GRIP1: variants seen among roughly 807,000 people sequenced by gnomAD.
GRIP1 encodes the protein glutamate receptor interacting protein 1.
Under a neutral mutation model 129.9 loss-of-function variants are expected in GRIP1, and 45 were observed. The observed-to-expected ratio is 0.35, with a 90% confidence interval of 0.27 to 0.44. GRIP1 has a LOEUF of 0.44. Ranked by LOEUF, GRIP1 falls within the 20% of genes least tolerant of loss-of-function variation. The pLI, the probability that GRIP1 is intolerant of heterozygous loss-of-function variation, is 1.00. For missense variants in GRIP1, 1,196 were observed against 1,396.8 expected (o/e 0.86, Z 2.29); for synonymous variants, 530 against 520.8 (o/e 1.02, Z -0.24).
chr12:66,893,458 G>C (rs2040695570), intron 1 of GRIP1, among the ~76,000 whole-genome samples: 1 of 152,160 alleles, frequency 6.6e-6, no homozygotes, highest in South Asian at 2.1e-4. Context: ...AGCTAATCTA[G>C]AACTCCTATG....
intron 1 of GRIP1, among the ~76,000 whole-genome samples, chr12:66,824,585 C>T (rs2039376269): frequency 6.6e-6 from 1 of 152,130 alleles, no homozygotes; most frequent in African/African-American, 2.4e-5. Flanking sequence ...GTCCATTTCT[C>T]CTTCAATGTG....
chr12:66,546,530 T>G (rs986739271), intron 2 of GRIP1, among the ~76,000 whole-genome samples: 1 of 151,946 alleles, frequency 6.6e-6, no homozygotes, highest in Admixed American at 6.6e-5. Flanking sequence ...GATGGAGGGA[T>G]AGACATATAG....
At chr12:66,405,106 C>T (rs932852846) in intron 16 of GRIP1, among the ~76,000 whole-genome samples, 2 of 152,110 alleles carry the variant, frequency 1.3e-5, no homozygotes, top group African/African-American at 4.8e-5. Flanking sequence ...TGGGGAAAAC[C>T]AAAATCTAGG....
chr12:66,584,539 T>A (rs924611333), intron 2 of GRIP1, among the ~76,000 whole-genome samples: 1 of 151,988 alleles, frequency 6.6e-6, no homozygotes, highest in Non-Finnish European at 1.5e-5. Flanking sequence ...CGCCATTGCA[T>A]GCCAGCTGGG....
At chr12:66,722,258 T>C (rs1216881480) in intron 1 of GRIP1, among the ~76,000 whole-genome samples, 1 of 152,176 alleles carries the variant, frequency 6.6e-6, no homozygotes, top group Non-Finnish European at 1.5e-5. Flanking sequence ...GAGAGACATG[T>C]AAACCCTGCA....
At chr12:66,715,415 T>G (rs1180347141) in intron 1 of GRIP1, among the ~76,000 whole-genome samples, 1 of 149,654 alleles carries the variant, frequency 6.7e-6, no homozygotes, top group African/African-American at 2.5e-5. Context: ...GATCTGAACT[T>G]AAGGATAATT....
chr12:67,059,263 C>T (rs542048369), intron 1 of GRIP1, among the ~76,000 whole-genome samples: 6 of 152,172 alleles, frequency 3.9e-5, no homozygotes, highest in African/African-American at 1.2e-4. Flanking sequence ...GAAAAGGCCT[C>T]GGTAGAAGGT....
rs886755626 is a variant in GRIP1, at chr12:66,617,307, A to T, written c.56-20380T>A. ...ACAAGAAAAAAAAAAAAAAAAAAAAAGATGCTTGCAAGTTACTGCAATGGT... is the reference window on the plus strand; with the variant it reads ...ACAAGAAAAAAAAAAAAAAAAAAAATGATGCTTGCAAGTTACTGCAATGGT... On this transcript the variant is annotated intron_variant, in intron 1 of 24. Transcript: ENST00000359742. Among the ~76,000 whole-genome samples the T allele has an allele frequency of 1.4e-4, 20 of 146,710 alleles. No individual in the cohort carries two copies. The Admixed American group carries it at 1.4e-3, about 10-fold the overall frequency.
At chr12:66,843,882 C>T (rs1310202253) in intron 1 of GRIP1, among the ~76,000 whole-genome samples, 2 of 152,032 alleles carry the variant, frequency 1.3e-5, no homozygotes, top group East Asian at 1.9e-4. Flanking sequence ...AGTTTTATGA[C>T]ATTAAATTTG....
At chr12:67,045,457 T>A (rs981999980) in intron 1 of GRIP1, among the ~76,000 whole-genome samples, 3 of 152,142 alleles carry the variant, frequency 2.0e-5, no homozygotes, top group Non-Finnish European at 4.4e-5. Context: ...TCCAACCCAA[T>A]AGCATGTCTG....
intron 1 of GRIP1, among the ~76,000 whole-genome samples, chr12:66,742,203 T>C (rs1403176071): frequency 1.3e-5 from 2 of 152,160 alleles, no homozygotes; most frequent in Non-Finnish European, 2.9e-5. Context: ...GGTGTTTCTT[T>C]CTGACATTAA....
chr12:66,522,096 G>C (rs1033511804), intron 5 of GRIP1, among the ~76,000 whole-genome samples: 12 of 152,228 alleles, frequency 7.9e-5, no homozygotes, highest in Admixed American at 2.6e-4. Context: ...CAAACAAAAA[G>C]ACAGCAGTAA....
At chr12:66,782,799 T>G (rs924456185) in intron 1 of GRIP1, among the ~76,000 whole-genome samples, 4 of 152,108 alleles carry the variant, frequency 2.6e-5, no homozygotes, top group African/African-American at 9.7e-5. Flanking sequence ...TTCCTATTGC[T>G]CTCCTCTCCA....
chr12:67,000,990 G>A (rs1346593299), intron 1 of GRIP1, among the ~76,000 whole-genome samples: 1 of 152,154 alleles, frequency 6.6e-6, no homozygotes, highest in East Asian at 1.9e-4. Context: ...ATTTAACTGA[G>A]TATCCTGTAT....
intron 24 of GRIP1, among the ~76,000 whole-genome samples, chr12:66,349,973 C>A (rs1473345851): frequency 3.9e-5 from 6 of 151,974 alleles, no homozygotes; most frequent in Non-Finnish European, 1.5e-5. Flanking sequence ...TCAGTTTTTT[C>A]AGGTCCTCCC....
intron 1 of GRIP1, among the ~76,000 whole-genome samples, chr12:66,783,234 A>T (rs1271942201): frequency 1.3e-5 from 2 of 152,140 alleles, no homozygotes; most frequent in African/African-American, 4.8e-5. Context: ...GTGTTTTGCC[A>T]TGTTGGCCAG....
chr12:67,020,253 G>T (rs1202452379), intron 1 of GRIP1, among the ~76,000 whole-genome samples: 1 of 152,126 alleles, frequency 6.6e-6, no homozygotes, highest in Non-Finnish European at 1.5e-5. Flanking sequence ...TTCACAGTCT[G>T]TGTCATGAAA....
At chr12:66,855,456 G>A (rs563001424) in intron 1 of GRIP1, among the ~76,000 whole-genome samples, 1 of 152,102 alleles carries the variant, frequency 6.6e-6, no homozygotes, top group Non-Finnish European at 1.5e-5. Context: ...TTCACGGAGT[G>A]TGTGAATCTC....
intron 23 of GRIP1, among the ~76,000 whole-genome samples, chr12:66,359,467 T>A (rs541582405): frequency 3.9e-5 from 6 of 152,270 alleles, no homozygotes; most frequent in African/African-American, 1.4e-4. Context: ...CCAATGGTAG[T>A]ACACCAACCA....
Sources: allele counts gnomAD v4.1 joint callset (sites outside exome capture counted in the v4.1 genomes callset), GRCh38; gene constraint gnomAD v4.1.1; transcripts MANE v1.5; gene names NCBI Gene and HGNC (gene_info 2026-07-23, HGNC 2026-07-21).